The following AFG1L variants were observed in gnomAD, a reference collection of about 807,000 sequenced individuals.
AFG1L encodes AFG1-like ATPase.
In AFG1L, 53 loss-of-function variants were observed where a neutral mutation model predicts 62.2. The ratio of observed to expected loss-of-function variants is 0.85; its 90% confidence interval spans 0.68 to 1.07. AFG1L has a LOEUF of 1.07. Ranked by LOEUF, AFG1L falls within the 50% of genes least tolerant of loss-of-function variation. AFG1L has a pLI of 0.00. For synonymous variants in AFG1L, 228 were observed against 210.3 expected (o/e 1.08, Z -0.73); for missense variants, 555 against 590.5 (o/e 0.94, Z 0.62).
intron 6 of AFG1L, among the ~76,000 whole-genome samples, chr6:108,383,216 G>C (rs540839882): frequency 6.6e-6 from 1 of 152,312 alleles, no homozygotes; most frequent in African/African-American, 2.4e-5. Context: ...CTGGGCAACA[G>C]AGCGAGTCTG....
At chr6:108,345,491 C>G (rs1582409590) in intron 2 of AFG1L, among the ~76,000 whole-genome samples, 3 of 151,898 alleles carry the variant, frequency 2.0e-5, no homozygotes, top group African/African-American at 7.3e-5. Flanking sequence ...TCCGAAGTAG[C>G]TGGGACTGCG....
In AFG1L at chr6:108,421,248, G is replaced by A. The variant is rs77014945; in HGVS notation, c.807+19194G>A. ...TAACCAAGAGGTCCTCATATTGAAC[G>A]CATAAATGTGTCAAAACTAACAGAA... On this transcript the variant is annotated intron_variant, in intron 7 of 12. Transcript: ENST00000368977. Among the ~76,000 whole-genome samples the A allele has an allele frequency of 2.1e-3, 318 of 152,186 alleles. 2 individuals carry two copies. Among genetic ancestry groups the A allele is most frequent in the African/African-American group, 6.9e-3 (285 of 41,526 alleles).
intron 8 of AFG1L, among the ~76,000 whole-genome samples, chr6:108,466,228 A>G (rs1278841648): frequency 1.3e-5 from 2 of 152,180 alleles, no homozygotes; most frequent in Non-Finnish European, 2.9e-5. Context: ...GCTACAACCA[A>G]TTGGAAAACT....
intron 6 of AFG1L, among the ~76,000 whole-genome samples, chr6:108,374,273 C>T (rs989521931): frequency 3.3e-5 from 5 of 152,032 alleles, no homozygotes; most frequent in African/African-American, 1.2e-4. Flanking sequence ...ATATTTTATC[C>T]CTTTCTGTAG....
At chr6:108,375,060 A>G (rs1260789800) in intron 6 of AFG1L, among the ~76,000 whole-genome samples, 1 of 152,096 alleles carries the variant, frequency 6.6e-6, no homozygotes, top group East Asian at 1.9e-4. Context: ...GGTTAGATGT[A>G]TTCGTAGGCA....
At chr6:108,429,492 G>A (rs979794885) in intron 7 of AFG1L, among the ~76,000 whole-genome samples, 3 of 152,144 alleles carry the variant, frequency 2.0e-5, no homozygotes, top group Admixed American at 1.3e-4. Flanking sequence ...CTTTCCACAC[G>A]TGGGAATTAT....
chr6:108,409,460 C>T (rs1014254264), intron 7 of AFG1L, among the ~76,000 whole-genome samples: 4 of 151,756 alleles, frequency 2.6e-5, no homozygotes, highest in South Asian at 2.1e-4. Context: ...GGAGCAGGAG[C>T]GGGGGGAGAG....
chr6:108,396,226 C>A (rs942007965), intron 6 of AFG1L, among the ~76,000 whole-genome samples: 4 of 152,030 alleles, frequency 2.6e-5, no homozygotes, highest in Middle Eastern at 3.4e-3. Context: ...AAAATTTCAA[C>A]CTCCATTTTT....
At chr6:108,362,128 C>G (rs1432075379) in intron 5 of AFG1L, among the ~76,000 whole-genome samples, 1 of 152,192 alleles carries the variant, frequency 6.6e-6, no homozygotes, top group Admixed American at 6.5e-5. Flanking sequence ...CAAGCAAAAT[C>G]AGCATTTACA....
intron 6 of AFG1L, among the ~76,000 whole-genome samples, chr6:108,369,203 G>A (rs994787063): frequency 6.6e-6 from 1 of 152,214 alleles, no homozygotes; most frequent in Non-Finnish European, 1.5e-5. Flanking sequence ...GAATGAAGCA[G>A]TGATTGCCAA....
At chr6:108,415,096 CA>C (rs1247243030) in intron 7 of AFG1L, among the ~76,000 whole-genome samples, 2 of 152,102 alleles carry the variant, frequency 1.3e-5, no homozygotes, top group African/African-American at 4.8e-5. Context: ...AATCAATGTG[CA>C]AAAATCACAG....
chr6:108,415,786 A>T (rs1770234627), intron 7 of AFG1L, among the ~76,000 whole-genome samples: 1 of 152,242 alleles, frequency 6.6e-6, no homozygotes, highest in Admixed American at 6.5e-5. Flanking sequence ...TGGATTAAAG[A>T]CTTAAATGTT....
At chr6:108,297,858 CAAAA>C (rs774320900) in intron 1 of AFG1L, among the ~76,000 whole-genome samples, 1 of 45,154 alleles carries the variant, frequency 2.2e-5, no homozygotes, top group Admixed American at 2.4e-4. Flanking sequence ...GAACCTGTCT[CAAAA>C]AAAAAAAAAA....
At chr6:108,433,083 G>A (rs955554847) in intron 7 of AFG1L, among the ~76,000 whole-genome samples, 21 of 152,166 alleles carry the variant, frequency 1.4e-4, no homozygotes, top group African/African-American at 3.9e-4. Flanking sequence ...AAATCCTGCC[G>A]TGGGATGAAA....
intron 1 of AFG1L, among the ~76,000 whole-genome samples, chr6:108,303,978 C>T (rs899934966): frequency 6.6e-6 from 1 of 152,142 alleles, no homozygotes; most frequent in Non-Finnish European, 1.5e-5. Flanking sequence ...CATTATTTCA[C>T]TGATTTGTTA....
chr6:108,519,888 A>T (rs890938458), intron 12 of AFG1L, 78 bp downstream of exon 12: 1 of 837,442 alleles, frequency 1.2e-6, no homozygotes, highest in African/African-American at 1.7e-5. Flanking sequence ...CTACATTTTG[A>T]AGAAGAAATG....
chr6:108,476,777 G>T (rs570750454), intron 8 of AFG1L, 88 bp from the exon 9 acceptor site: 22 of 852,850 alleles, frequency 2.6e-5, no homozygotes, highest in African/African-American at 2.1e-4. Context: ...TTTTTTTTAT[G>T]GGCAAAAAGC....
chr6:108,421,204 T>G (rs764611616), intron 7 of AFG1L, among the ~76,000 whole-genome samples: 4 of 152,138 alleles, frequency 2.6e-5, no homozygotes, highest in Non-Finnish European at 5.9e-5. Context: ...CATGAAGAGA[T>G]GTGAGGAATT....
At chr6:108,323,249 A>G (rs1582589645) in intron 1 of AFG1L, among the ~76,000 whole-genome samples, 2 of 152,342 alleles carry the variant, frequency 1.3e-5, no homozygotes, top group South Asian at 2.1e-4. Flanking sequence ...GACTGGAAGC[A>G]AAGCAGAAGC....
Sources: gnomAD v4.1 joint callset for allele counts (sites outside exome capture counted in the v4.1 genomes callset) on GRCh38, gnomAD v4.1.1 for gene constraint, MANE v1.5 for transcripts, NCBI Gene and HGNC (gene_info 2026-07-23, HGNC 2026-07-21) for gene names.